Variants in TBC1D8 observed in about 807,000 individuals in gnomAD.
The protein encoded by TBC1D8 is BUB2-like protein 1.
A neutral mutation model predicts 118.8 loss-of-function variants in TBC1D8; 65 were observed. The ratio of observed to expected loss-of-function variants is 0.55; its 90% CI spans 0.45 to 0.67. The LOEUF (loss-of-function observed/expected upper bound fraction) is 0.67. Ranked by LOEUF, TBC1D8 falls within the 30% of genes least tolerant of loss-of-function variation. The pLI, the probability that TBC1D8 is intolerant of heterozygous loss-of-function variation, is 0.00. For missense variants in TBC1D8, 1,376 were observed against 1,471.2 expected (o/e 0.94, Z 1.06); for synonymous variants, 566 against 595.8 (o/e 0.95, Z 0.73).
chr2:101,015,100 G>A (rs13414395), intron 17 of TBC1D8, among the ~76,000 whole-genome samples: 2,993 of 152,224 alleles, frequency 0.02, 106 homozygotes, highest in African/African-American at 0.069. Context: ...TACACACCTC[G>A]CCTATAAAGT....
At chr2:101,016,288 G>T (rs1234017948) in intron 17 of TBC1D8, among the ~76,000 whole-genome samples, 2 of 152,256 alleles carry the variant, frequency 1.3e-5, no homozygotes, top group Admixed American at 1.3e-4. Flanking sequence ...CTTCTCAAAA[G>T]AAGACATTTA....
At chr2:101,021,594 A>G (rs1680031052) in intron 17 of TBC1D8, 87 bp downstream of exon 17, 7 of 962,422 alleles carry the variant, frequency 7.3e-6, no homozygotes, top group Non-Finnish European at 1.1e-5. Context: ...GTGAACTTTA[A>G]AAAGAGAAGA....
At chr2:101,146,359 A>G (rs1026625940) in intron 1 of TBC1D8, among the ~76,000 whole-genome samples, 6 of 152,212 alleles carry the variant, frequency 3.9e-5, no homozygotes, top group African/African-American at 1.4e-4. Flanking sequence ...TCAGCCCATC[A>G]CTACTACAAA....
At chr2:101,140,427 T>C (rs1002682502) in intron 1 of TBC1D8, among the ~76,000 whole-genome samples, 21 of 152,172 alleles carry the variant, frequency 1.4e-4, no homozygotes, top group Admixed American at 5.2e-4. Flanking sequence ...AGAGGACAAA[T>C]AGCTGACACA....
At chr2:101,090,960 C>G (rs1391062736) in intron 1 of TBC1D8, among the ~76,000 whole-genome samples, 1 of 152,302 alleles carries the variant, frequency 6.6e-6, no homozygotes, top group East Asian at 1.9e-4. Context: ...AGAATAATCC[C>G]TGCCTGCTCC....
chr2:101,012,727 G>A (rs1403613660), intron 17 of TBC1D8, among the ~76,000 whole-genome samples: 2 of 152,156 alleles, frequency 1.3e-5, no homozygotes, highest in African/African-American at 4.8e-5. Context: ...AATTATCGGG[G>A]ATGACAGGGA....
rs951747836 is a variant in TBC1D8, at chr2:101,088,711, C to T, written c.283+1498G>A. On this transcript the variant is annotated intron_variant, in intron 2 of 19. Coordinates refer to ENST00000409318, the MANE Select transcript of TBC1D8 (RefSeq NM_001330348.2). ...TCAGCCTTCCTAGTAATTGAGACTA[C>T]AGGTACACACCACCACGCCCAGCTA... Among the ~76,000 whole-genome samples, 5 of 152,162 alleles carry T rather than the reference C, an allele frequency of 3.3e-5. 1 individual carries two copies. The Middle Eastern group carries it at 0.01, about 311-fold the overall frequency.
At chr2:101,036,924 GAT>G (rs1681046304) in intron 8 of TBC1D8, among the ~76,000 whole-genome samples, 1 of 152,154 alleles carries the variant, frequency 6.6e-6, no homozygotes, top group South Asian at 2.1e-4. Context: ...ACCAACAATA[GAT>G]TTTACAGGAG....
chr2:101,112,902 C>A (rs55924910), intron 1 of TBC1D8, among the ~76,000 whole-genome samples: 9 of 152,178 alleles, frequency 5.9e-5, no homozygotes, highest in African/African-American at 2.2e-4. Flanking sequence ...TCAAAAGAAC[C>A]CTTGCTGAAA....
At chr2:101,139,525 T>C (rs2104275195) in intron 1 of TBC1D8, among the ~76,000 whole-genome samples, 2 of 152,204 alleles carry the variant, frequency 1.3e-5, no homozygotes, top group South Asian at 4.2e-4. Flanking sequence ...CCTTCTCACA[T>C]ACACTTCCTC....
Position 101,011,490 on chromosome 2 carries a change from A to G in TBC1D8, c.2878T>C (p.Leu960=). The change falls in exon 18 of 20, where the codon TTG becomes CTG. Residue 960 remains leucine, a synonymous_variant. Coordinates refer to ENST00000409318, the MANE Select transcript of TBC1D8 (RefSeq NM_001330348.2). ...DSQSPLRNPL[L]STSRPLVFGK... ...AAAACCAGGGGTCTCGATGTTGACA[A>G]CAGAGGATTCCTCAACGGCGACTGG... 1.2e-6 allele frequency: 2 copies of G among 1,614,026 alleles called. No individual in the cohort carries two copies. The highest frequency in any genetic ancestry group is 1.7e-6 in the Non-Finnish European group (2 of 1,179,892).
chr2:101,013,329 G>C (rs1679372179), intron 17 of TBC1D8, among the ~76,000 whole-genome samples: 1 of 152,220 alleles, frequency 6.6e-6, no homozygotes, highest in South Asian at 2.1e-4. Context: ...TAACTACTAA[G>C]AATGCATACA....
At chr2:101,019,053 G>A in intron 17 of TBC1D8, 7 of 1,609,342 alleles carry the variant, frequency 4.3e-6, no homozygotes, top group Non-Finnish European at 5.1e-6. Flanking sequence ...AGCCCTCCTG[G>A]AAGTGGATGA....
intron 1 of TBC1D8, among the ~76,000 whole-genome samples, chr2:101,119,944 G>T (rs917346301): frequency 2.6e-5 from 4 of 152,182 alleles, no homozygotes; most frequent in African/African-American, 9.7e-5. Context: ...CTCTCCTGCT[G>T]ATGAAGGTGA....
At chr2:101,117,722 C>T (rs1372711620) in intron 1 of TBC1D8, among the ~76,000 whole-genome samples, 1 of 151,628 alleles carries the variant, frequency 6.6e-6, no homozygotes, top group Non-Finnish European at 1.5e-5. Flanking sequence ...TACAGGCGCC[C>T]GCCACCATGC....
At chr2:101,020,711 A>G (rs889685503) in intron 17 of TBC1D8, among the ~76,000 whole-genome samples, 4 of 152,296 alleles carry the variant, frequency 2.6e-5, no homozygotes, top group African/African-American at 9.6e-5. Context: ...TGCATCTTCA[A>G]TGTTTGTACA....
chr2:101,047,498 C>T (rs111734272), intron 5 of TBC1D8, among the ~76,000 whole-genome samples: 5 of 152,340 alleles, frequency 3.3e-5, no homozygotes, highest in African/African-American at 1.2e-4. Context: ...GCTCTCCTGG[C>T]AGGGCTTCAA....
chr2:101,098,105 T>C (rs1364647096), intron 1 of TBC1D8, among the ~76,000 whole-genome samples: 5 of 151,702 alleles, frequency 3.3e-5, no homozygotes, highest in African/African-American at 1.2e-4. Flanking sequence ...AACAAAGCAA[T>C]GAATAAAAAA....
rs559976053 is a variant in TBC1D8 at position 101,118,436 on chromosome 2, C to T, written c.128-28072G>A. Among the ~76,000 whole-genome samples the T allele has an allele frequency of 3.9e-5, 6 of 152,288 alleles. 1 individual carries two copies. The South Asian group carries it at 6.2e-4, about 16-fold the overall frequency. On this transcript the variant is annotated intron_variant, in intron 1 of 19. Transcript: ENST00000409318. ...AGGTAGCCGGGCACAGTGGCTCATG[C>T]CTGTAATCCCAGCACTTTGGGAGGC...
Sources: allele counts gnomAD v4.1 joint callset (sites outside exome capture counted in the v4.1 genomes callset), GRCh38; gene constraint gnomAD v4.1.1; transcripts MANE v1.5; gene names NCBI Gene and HGNC (gene_info 2026-07-23, HGNC 2026-07-21).